The following WDR17 variants were observed in gnomAD, a reference collection of about 807,000 sequenced individuals.
WDR17 encodes the protein WD repeat domain 17.
In WDR17, 143 loss-of-function variants were observed where a neutral mutation model predicts 161.7. The observed-to-expected ratio is 0.88, with a 90% CI of 0.77 to 1.02. WDR17 has a LOEUF of 1.02. Among genes scored for constraint, WDR17 ranks in the 50% least tolerant of loss-of-function variants. The pLI, the probability that WDR17 is intolerant of heterozygous loss-of-function variation, is 0.00. For synonymous variants in WDR17, 517 were observed against 515.6 expected (o/e 1.00, Z -0.04); for missense variants, 1,469 against 1,520.9 (o/e 0.97, Z 0.57).
intron 1 of WDR17, among the ~76,000 whole-genome samples, chr4:176,067,095 A>G (rs1441868226): frequency 6.6e-6 from 1 of 152,200 alleles, no homozygotes; most frequent in African/African-American, 2.4e-5. Flanking sequence ...GGGTGGTGAA[A>G]CAAACTCTGT....
intron 1 of WDR17, among the ~76,000 whole-genome samples, chr4:176,090,060 A>G (rs1735919531): frequency 1.3e-5 from 2 of 152,058 alleles, no homozygotes; most frequent in African/African-American, 4.8e-5. Context: ...TATGGAGGAT[A>G]TTAGAGTAGG....
At chr4:176,149,731 G>A in intron 13 of WDR17, 76 bp from the exon 14 acceptor site, 2 of 1,559,942 alleles carry the variant, frequency 1.3e-6, no homozygotes, top group Non-Finnish European at 1.7e-6. Context: ...TTCTGTAGAA[G>A]TTTTATGAAG....
intron 2 of WDR17, among the ~76,000 whole-genome samples, chr4:176,115,471 T>C (rs1483588421): frequency 6.6e-6 from 1 of 151,926 alleles, no homozygotes; most frequent in African/African-American, 2.4e-5. Context: ...AACCAAGGGT[T>C]TTTTCTTCTC....
chr4:176,160,952 G>A lies in WDR17; in HGVS notation c.2700G>A (p.Val900=), dbSNP rs1276121891. The change falls in exon 20 of 29, where the codon GTG becomes GTA. Residue 900 remains valine, a synonymous_variant. Transcript: ENST00000508596. The stretch of plus-strand genomic sequence containing the variant: ...ATATGCAGCCCTTACATGTTTCCGT[G>A]CCTAAAGGAGCTTCATATTCTGATG... ...EGNMQPLHVS[V]PKGASYSDDI... The A allele has an allele frequency of 1.2e-6, 2 of 1,610,634 alleles. No individual in the cohort carries two copies. The highest frequency in any genetic ancestry group is 4.5e-5 in the East Asian group (2 of 44,762).
At position 176,146,146 on chromosome 4, in the gene WDR17, G is replaced by A; in HGVS notation, c.1681G>A (p.Gly561Ser). 6.2e-7 allele frequency: 1 copy of A among 1,612,682 alleles called. No homozygotes were observed. The highest frequency in any genetic ancestry group is 8.5e-7 in the Non-Finnish European group (1 of 1,179,332). Residue 561 changes from glycine (G) to serine (S), a missense_variant, in exon 12 of 29, where the codon GGT becomes AGT. Transcript: ENST00000508596. ...TCTGAGAGAGGGAATTCTTTGCAGT[G>A]GTTCTGATGATGGGTATGTATTTTT... The part of the protein sequence containing the change: ...SPLREGILCS[G>S]SDDGTVRIWD...
chr4:176,161,144 A>G, intron 20 of WDR17, 142 bp downstream of exon 20: 1 of 540,984 alleles, frequency 1.8e-6, no homozygotes, highest in Non-Finnish European at 3.1e-6. Flanking sequence ...ATCCAGTTCC[A>G]TACAGCATTT....
rs1554036555 is a variant in WDR17, at chr4:176,167,664, A to AACAACAAC, written c.2991-1007_2991-1006insCAACAACA. Among the ~76,000 whole-genome samples the AACAACAAC allele has an allele frequency of 1.6e-4, 24 of 146,822 alleles. 2 individuals carry two copies. Among genetic ancestry groups the AACAACAAC allele is most frequent in the South Asian group, 4.3e-4 (2 of 4,688 alleles). On this transcript the variant is annotated intron_variant, in intron 22 of 28. Coordinates refer to ENST00000508596, the MANE Select transcript of WDR17 (RefSeq NM_181265.4). ...CGTCTCAAAAAAAAAAAAAAAAAAAAAAAAAAAACAATATCTTGAATTATT... is the reference window on the plus strand; with the variant it reads ...CGTCTCAAAAAAAAAAAAAAAAAAAAACAACAACAAAAAAAACAATATCTTGAATTATT...
intron 1 of WDR17, among the ~76,000 whole-genome samples, chr4:176,097,971 G>A (rs1188712814): frequency 6.6e-6 from 1 of 151,854 alleles, no homozygotes; most frequent in Non-Finnish European, 1.5e-5. Context: ...CATACTAAAA[G>A]TGTAGCTGTT....
intron 22 of WDR17, among the ~76,000 whole-genome samples, chr4:176,164,383 A>C (rs182392391): frequency 1.3e-5 from 2 of 152,222 alleles, no homozygotes; most frequent in African/African-American, 4.8e-5. Context: ...CCTGACAATC[A>C]TAAGTGGAAA....
Position 176,097,734 on chromosome 4 carries a change from CACACACAT to C in WDR17, c.-6-13833_-6-13826del, listed in dbSNP as rs1201912811. Among the ~76,000 whole-genome samples, 540 of 119,348 alleles carry C rather than the reference CACACACAT, an allele frequency of 4.5e-3. 5 individuals are homozygous for C. Among genetic ancestry groups the C allele is most frequent in the African/African-American group, 0.016 (514 of 32,310 alleles). 78.3% of individuals were successfully genotyped at this position (119,348 alleles called of 152,430 possible). On this transcript the variant is annotated intron_variant, in intron 1 of 28. Transcript: ENST00000508596. ...CAAGCCCCACTTACACACACACACA[CACACACAT>C]ACACACACACACACACACACACACA...
intron 1 of WDR17, among the ~76,000 whole-genome samples, chr4:176,099,955 A>G (rs1338795777): frequency 2.0e-5 from 3 of 152,162 alleles, no homozygotes; most frequent in Non-Finnish European, 2.9e-5. Flanking sequence ...CTGTGTATAT[A>G]TACCACATTT....
chr4:176,160,941 C>G lies in WDR17; in HGVS notation c.2689C>G (p.His897Asp). Residue 897 changes from histidine to aspartate, a missense_variant, in exon 20 of 29, where the codon CAT becomes GAT. Transcript: ENST00000508596. ...AACEGNMQPL[H>D]VSVPKGASYS... ...TTGTGAAGGAAATATGCAGCCCTTA[C>G]ATGTTTCCGTGCCTAAAGGAGCTTC... 6.2e-7 allele frequency: 1 copy of G among 1,609,204 alleles called. No individual in the cohort carries two copies. The highest frequency in any genetic ancestry group is 1.3e-5 in the African/African-American group (1 of 74,968).
At chr4:176,120,131 T>G (rs374335395) in intron 4 of WDR17, 34 bp downstream of exon 4, 1 of 1,502,816 alleles carries the variant, frequency 6.7e-7, no homozygotes, top group Non-Finnish European at 9.1e-7. Context: ...TCTTAAATAG[T>G]ATATTTTTCT....
At chr4:176,080,781 A>T (rs754451877) in intron 1 of WDR17, among the ~76,000 whole-genome samples, 2 of 151,848 alleles carry the variant, frequency 1.3e-5, no homozygotes, top group Non-Finnish European at 2.9e-5. Flanking sequence ...ATTTTTATTT[A>T]TTGTATCTCT....
chr4:176,175,538 ATTTGTTTG>A (rs146325115), intron 26 of WDR17, among the ~76,000 whole-genome samples: 30,192 of 149,996 alleles, frequency 0.2, 3,747 homozygotes, highest in Admixed American at 0.35. Context: ...GCAGTCTTTT[ATTTGTTTG>A]TTTGTTTGTT....
At chr4:176,161,359 A>T (rs1749007405) in intron 20 of WDR17, among the ~76,000 whole-genome samples, 1 of 152,212 alleles carries the variant, frequency 6.6e-6, no homozygotes. Flanking sequence ...AAGTTAGTGT[A>T]TGTAAGTTCA....
At chr4:176,074,416 C>T (rs960214740) in intron 1 of WDR17, among the ~76,000 whole-genome samples, 21 of 151,414 alleles carry the variant, frequency 1.4e-4, no homozygotes, top group African/African-American at 5.1e-4. Context: ...TACACATATA[C>T]ATATATATTT....
At chr4:176,086,432 TC>T (rs1735425754) in intron 1 of WDR17, among the ~76,000 whole-genome samples, 1 of 151,900 alleles carries the variant, frequency 6.6e-6, no homozygotes, top group South Asian at 2.1e-4. Flanking sequence ...ATTGTGTCAT[TC>T]TTTTTTTGTC....
In WDR17 at chr4:176,172,390, G is replaced by A. The variant is rs777262328; in HGVS notation, c.3118G>A (p.Val1040Met). ...DLHDKCKLPT[V>M]EECMQLAETA... Reference sequence around the variant, plus strand: ...TATTTTCTAGTGTAAGCTACCCACAGTGGAAGAATGTATGCAGTTAGCTGA... The same window carrying A: ...TATTTTCTAGTGTAAGCTACCCACAATGGAAGAATGTATGCAGTTAGCTGA... Residue 1040 changes from valine (V) to methionine (M), a missense_variant, in exon 24 of 29, where the codon GTG becomes ATG. Transcript: ENST00000508596. 2 of 1,607,716 alleles carry A rather than the reference G, an allele frequency of 1.2e-6. No homozygotes were observed. The highest frequency in any genetic ancestry group is 1.7e-5 in the Admixed American group (1 of 58,058).
Sources: allele counts gnomAD v4.1 joint callset (sites outside exome capture counted in the v4.1 genomes callset), GRCh38; gene constraint gnomAD v4.1.1; transcripts MANE v1.5; gene names NCBI Gene and HGNC (gene_info 2026-07-23, HGNC 2026-07-21).